The following ZNF735 variants were observed in gnomAD, a reference collection of about 807,000 sequenced individuals.
ZNF735 encodes the protein zinc finger protein 735.
In ZNF735, 11 loss-of-function variants were observed where a neutral mutation model predicts 13.4. The ratio of observed to expected loss-of-function variants is 0.82; its 90% CI spans 0.52 to 1.36. The LOEUF is 1.36. Among genes scored for constraint, ZNF735 ranks in the 40% most tolerant of loss-of-function variants. The probability of loss-of-function intolerance (pLI) is 0.00; values close to 1 mark genes in which losing one functional copy is unlikely to be tolerated. For missense variants in ZNF735, 500 were observed against 484.6 expected (o/e 1.03, Z -0.30); for synonymous variants, 171 against 162.6 (o/e 1.05, Z -0.39).
intron 3 of ZNF735, among the ~76,000 whole-genome samples, chr7:64,215,807 T>C (rs1318768837): frequency 6.6e-6 from 1 of 152,224 alleles, no homozygotes. Flanking sequence ...CTGGCAACCT[T>C]GTGGCAGATT....
intron 1 of ZNF735, among the ~76,000 whole-genome samples, chr7:64,211,498 A>G (rs1787359875): frequency 6.6e-6 from 1 of 152,194 alleles, no homozygotes; most frequent in Non-Finnish European, 1.5e-5. Context: ...ACTACTTAAA[A>G]TTACTATTAA....
intron 1 of ZNF735, among the ~76,000 whole-genome samples, chr7:64,209,459 TG>T (rs1278019334): frequency 1.3e-5 from 2 of 151,876 alleles, no homozygotes; most frequent in Non-Finnish European, 2.9e-5. Flanking sequence ...GCGATTCTCC[TG>T]GGATTACAGG....
intron 3 of ZNF735, among the ~76,000 whole-genome samples, chr7:64,218,097 A>G (rs576498394): frequency 6.6e-6 from 1 of 151,996 alleles, no homozygotes; most frequent in South Asian, 2.1e-4. Context: ...TCAGCATTTT[A>G]TTTAGGGCAC....
chr7:64,211,645 C>T lies in ZNF735; in HGVS notation c.40-1447C>T, dbSNP rs181878799. Among the ~76,000 whole-genome samples, 194 of 152,088 alleles carry T rather than the reference C, an allele frequency of 1.3e-3. 1 individual carries two copies. Among genetic ancestry groups the T allele is most frequent in the Admixed American group, 3.6e-3 (55 of 15,248 alleles). On this transcript the variant is annotated intron_variant, in intron 1 of 3. Transcript: ENST00000429565. ...TTGGGAGGCTGGGGCAGGCAGATCA[C>T]ATGAGGTCAGGAGTTCGAGGCCCGC...
exon 4 of ZNF735, chr7:64,220,161 A>T (rs770343079): frequency 1.2e-6 from 2 of 1,613,222 alleles, no homozygotes; most frequent in South Asian, 2.2e-5. Context: ...CTGTAAAGGC[A>T]CATAAGAGAA....
chr7:64,220,252 A>G lies in ZNF735; in HGVS notation c.1201A>G (p.Ile401Val), dbSNP rs1434289258. Residue 401 changes from isoleucine (I) to valine (V), a missense_variant, in exon 4 of 4, where the codon ATA becomes GTA. Physicochemically the swap from Ile to Val is conservative, Grantham distance 29. Transcript: ENST00000429565. The stretch of plus-strand genomic sequence containing the variant: ...GCATTCAAGTCTTGCTAAACATAAG[A>G]TAATTCACACTGGAGAGAAACCCTA... 7 of 1,612,282 alleles carry G rather than the reference A, an allele frequency of 4.3e-6. No homozygotes were observed. In the African/African-American group the frequency reaches 8.0e-5, roughly 18 times the overall value.
chr7:64,215,633 ATT>A (rs918996982), intron 3 of ZNF735, among the ~76,000 whole-genome samples: 12 of 146,166 alleles, frequency 8.2e-5, no homozygotes, highest in Non-Finnish European at 1.7e-4. Flanking sequence ...TTTCCACTAT[ATT>A]TTTTTCTAAG....
chr7:64,208,915 C>T (rs111544269), intron 1 of ZNF735, among the ~76,000 whole-genome samples: 5,931 of 152,252 alleles, frequency 0.039, 185 homozygotes, highest in East Asian at 0.16. Context: ...TTCTTATAGC[C>T]GCATCATATT....
intron 1 of ZNF735, among the ~76,000 whole-genome samples, chr7:64,207,717 G>T (rs112984005): frequency 0.039 from 5,928 of 152,240 alleles, 185 homozygotes; most frequent in East Asian, 0.16. Context: ...GGCCAGGCGC[G>T]GTGGCTCACG....
At chr7:64,209,351 C>CTT (rs11361388) in intron 1 of ZNF735, among the ~76,000 whole-genome samples, 5 of 143,478 alleles carry the variant, frequency 3.5e-5, no homozygotes, top group East Asian at 2.0e-4. Context: ...TTTTGTTGAA[C>CTT]TTTTTTTTTT....
chr7:64,212,839 C>T (rs1191314883), intron 1 of ZNF735, among the ~76,000 whole-genome samples: 1 of 151,606 alleles, frequency 6.6e-6, no homozygotes, highest in Non-Finnish European at 1.5e-5. Context: ...CATGTTGATG[C>T]CCTTAATTTT....
intron 1 of ZNF735, among the ~76,000 whole-genome samples, chr7:64,209,100 A>G (rs1300535014): frequency 6.6e-6 from 1 of 152,222 alleles, no homozygotes; most frequent in Non-Finnish European, 1.5e-5. Flanking sequence ...GGTACTGGGA[A>G]TGGTAATTCT....
exon 4 of ZNF735, chr7:64,219,517 A>G: frequency 6.2e-7 from 1 of 1,606,634 alleles, no homozygotes; most frequent in South Asian, 1.1e-5. Context: ...CCAAAACAAA[A>G]TATTTCAGAC....
chr7:64,211,904 TA>T (rs1347023295), intron 1 of ZNF735, among the ~76,000 whole-genome samples: 19 of 148,988 alleles, frequency 1.3e-4, no homozygotes, highest in Non-Finnish European at 2.1e-4. Context: ...TATATATATA[TA>T]TATTTATTTA....
At chr7:64,207,206 G>A (rs1428362486) in exon 1 of ZNF735, 2 of 1,614,064 alleles carry the variant, frequency 1.2e-6, no homozygotes, top group Non-Finnish European at 1.7e-6. Flanking sequence ...CAGATTTATG[G>A]CTAAAAGACC....
exon 4 of ZNF735, chr7:64,220,275 C>T (rs1235157453): frequency 6.2e-7 from 1 of 1,609,080 alleles, no homozygotes; most frequent in Admixed American, 1.7e-5. Context: ...GAGAGAAACC[C>T]TACAAATGTA....
At chr7:64,208,244 G>GTTTTTTTTTTTTTTTTTT (rs71060562) in intron 1 of ZNF735, among the ~76,000 whole-genome samples, 1 of 93,082 alleles carries the variant, frequency 1.1e-5, no homozygotes, top group Non-Finnish European at 2.1e-5. Flanking sequence ...TCCAATAAAT[G>GTTTTTTTTTTTTTTTTTT]TTTTTTTTTT....
rs183583733 is a variant in ZNF735, at chr7:64,213,360, A to G, written c.166+142A>G. The G allele has an allele frequency of 2.1e-5, 18 of 862,874 alleles. No homozygotes were observed. In the African/African-American group the frequency reaches 2.6e-4, roughly 13 times the overall value. The allele number at this position is 862,874 out of a possible 1,614,324, so 53.5% of individuals were successfully genotyped here. ...CTTGGGGATTCATTGGTGTAGATTA[A>G]ATTCTTCAAGATGTTTTATCTTGAC... On this transcript the variant is annotated intron_variant, in intron 2 of 3. Coordinates refer to ENST00000429565, the Ensembl canonical transcript of ZNF735.
chr7:64,219,810 C>T (rs751757783), exon 4 of ZNF735: 3 of 1,612,844 alleles, frequency 1.9e-6, no homozygotes, highest in African/African-American at 2.7e-5. Context: ...TTAGGTGGCC[C>T]TCAAACCTTA....
Sources: gnomAD v4.1 joint callset for allele counts (sites outside exome capture counted in the v4.1 genomes callset) on GRCh38, gnomAD v4.1.1 for gene constraint, MANE v1.5 for transcripts, NCBI Gene and HGNC (gene_info 2026-07-23, HGNC 2026-07-21) for gene names.